CACNG7: variants seen among roughly 807,000 people sequenced by gnomAD.
CACNG7 encodes the protein voltage-dependent calcium channel gamma-7 subunit.
A neutral mutation model predicts 26.3 loss-of-function variants in CACNG7; 9 were observed. The ratio of observed to expected loss-of-function variants is 0.34; its 90% CI spans 0.21 to 0.60. CACNG7 has a LOEUF of 0.60. CACNG7 is among the 20% of genes least tolerant of loss of function. The pLI, the probability that CACNG7 is intolerant of heterozygous loss-of-function variation, is 0.81. For missense variants in CACNG7, 297 were observed against 380.4 expected (o/e 0.78, Z 1.82); for synonymous variants, 170 against 157.0 (o/e 1.08, Z -0.62).
At chr19:53,920,991 G>GCCCCAGGCTGGTCATTGGTGGAGTCGT (rs2068943368) in intron 4 of CACNG7, among the ~76,000 whole-genome samples, 1 of 79,962 alleles carries the variant, frequency 1.3e-5, no homozygotes, top group Non-Finnish European at 2.3e-5. Flanking sequence ...TGGTGGAGTT[G>GCCCCAGGCTGGTCATTGGTGGAGTCGT]CCCCAGGCTG....
At chr19:53,910,162 C>T (rs2068853533) in intron 1 of CACNG7, among the ~76,000 whole-genome samples, 1 of 151,862 alleles carries the variant, frequency 6.6e-6, no homozygotes, top group Admixed American at 6.6e-5. Flanking sequence ...GTCAGAGGGG[C>T]GAAAGGGGGA....
At position 53,909,774 on chromosome 19, in the gene CACNG7, G is replaced by T. The variant is rs1437846600; in HGVS notation, c.-30+257G>T. The stretch of plus-strand genomic sequence containing the variant: ...TCGCAGCGAGCGTGGGCTGGGGAGG[G>T]CAGAGGCCGGGTCCCTGAGGAAGGC... On this transcript the variant is annotated intron_variant, in intron 1 of 5. Transcript: ENST00000391767. The surrounding 1 kb of genome is among the most constrained non-coding windows in gnomAD (Gnocchi z 5.1). Among the ~76,000 whole-genome samples the T allele has an allele frequency of 6.6e-6, 1 of 152,148 alleles. No individual in the cohort carries two copies. The highest frequency in any genetic ancestry group is 1.5e-5 in the Non-Finnish European group (1 of 68,020).
chr19:53,932,636 C>T (rs114088643), intron 4 of CACNG7, among the ~76,000 whole-genome samples: 2,027 of 152,226 alleles, frequency 0.013, 51 homozygotes, highest in African/African-American at 0.046. Context: ...GATCCAAGTT[C>T]CACATGTACA....
In CACNG7 at chr19:53,941,520, G is replaced by C. The variant is rs1449024424; in HGVS notation, c.475G>C (p.Glu159Gln). 2 of 1,598,418 alleles carry C rather than the reference G, an allele frequency of 1.3e-6. No individual in the cohort carries two copies. The highest frequency in any genetic ancestry group is 1.7e-6 in the Non-Finnish European group (2 of 1,174,490). The change falls in exon 5 of 6, where the codon GAG (glutamate) becomes CAG (glutamine). Residue 159 changes from glutamate (E) to glutamine (Q), a missense_variant. By Grantham distance (29) the Glu-to-Gln change is conservative. Coordinates refer to ENST00000391767, the MANE Select transcript of CACNG7 (RefSeq NM_031896.5). ...TCTTTACATCTCCAGCATCAACGAC[G>C]AGGTCATGAACAGGCCCAGCAGCTC... ...LVLYISSIND[E>Q]VMNRPSSSEQ...
At chr19:53,919,908 G>C (rs2068927391) in intron 4 of CACNG7, among the ~76,000 whole-genome samples, 1 of 133,774 alleles carries the variant, frequency 7.5e-6, no homozygotes, top group South Asian at 2.5e-4. Flanking sequence ...CCCCAGGCTG[G>C]TCATTGGTGG....
At chr19:53,934,201 C>T (rs2069091183) in intron 4 of CACNG7, among the ~76,000 whole-genome samples, 1 of 152,190 alleles carries the variant, frequency 6.6e-6, no homozygotes. Context: ...CCAGCTGCAT[C>T]TTGAATTTAT....
At chr19:53,919,956 G>C in intron 4 of CACNG7, among the ~76,000 whole-genome samples, 1 of 126,848 alleles carries the variant, frequency 7.9e-6, no homozygotes, top group South Asian at 2.7e-4. Flanking sequence ...AGTTGCCCCA[G>C]GTCTGGTCAT....
In CACNG7 at chr19:53,919,370, T is replaced by TC. The variant is rs766964410; in HGVS notation, c.424+3868dup. 2.2e-4 allele frequency among the ~76,000 whole-genome samples: 31 copies of TC among 143,980 alleles called. 2 individuals carry two copies. In the East Asian group the frequency reaches 2.7e-3, roughly 13 times the overall value. 94.5% of individuals were successfully genotyped at this position (143,980 alleles called of 152,430 possible). The stretch of plus-strand genomic sequence containing the variant: ...CCAGGTCTGGTCATTGGTGGAGTTG[T>TC]CCCAGGTCTGGTCATTGGTGGAGTT... On this transcript the variant is annotated intron_variant, in intron 4 of 5. Transcript: ENST00000391767.
intron 4 of CACNG7, among the ~76,000 whole-genome samples, chr19:53,923,692 TGGTCATTGGTGGAGTTGTCC>T (rs2068989434): frequency 2.1e-5 from 3 of 140,968 alleles, no homozygotes; most frequent in Admixed American, 6.9e-5. Flanking sequence ...GTCCCAGGCC[TGGTCATTGGTGGAGTTGTCC>T]CAGGTCTGGT....
Position 53,939,126 on chromosome 19 carries a change from G to T in CACNG7, c.425-2344G>T, listed in dbSNP as rs886298536. Among the ~76,000 whole-genome samples the T allele has an allele frequency of 6.6e-6, 1 of 151,914 alleles. No individual in the cohort carries two copies. The highest frequency in any genetic ancestry group is 6.6e-5 in the Admixed American group (1 of 15,224). On this transcript the variant is annotated intron_variant, in intron 4 of 5. Transcript: ENST00000391767. This position sits in a 1 kb window ranked among gnomAD's most constrained non-coding sequence, Gnocchi z 4.2. ...ACAAAAATTAGCCAGGCATGGTGGC[G>T]GGTGCCTGTTAATTCCAGCTACGCA...
chr19:53,931,293 T>C (rs1372892613), intron 4 of CACNG7, among the ~76,000 whole-genome samples: 2 of 152,236 alleles, frequency 1.3e-5, no homozygotes, highest in Non-Finnish European at 2.9e-5. Flanking sequence ...TACAATTTAA[T>C]ACATTTTTAA....
At position 53,913,088 on chromosome 19, in the gene CACNG7, T is replaced by C. The variant is rs569022701; in HGVS notation, c.196+61T>C. 1.4e-4 allele frequency: 208 copies of C among 1,455,912 alleles called. 1 individual carries two copies. Among genetic ancestry groups the C allele is most frequent in the Middle Eastern group, 6.9e-4 (3 of 4,362 alleles). 90.2% of individuals were successfully genotyped at this position (1,455,912 alleles called of 1,614,324 possible). ...TGCCTTGCCTGGGGTCTGAGAGTCT[T>C]AGCCATAGTCCCATCCCTTGAGTTC... On this transcript the variant is annotated intron_variant, in intron 2 of 5. Transcript: ENST00000391767.
intron 4 of CACNG7, among the ~76,000 whole-genome samples, chr19:53,924,531 A>T (rs2069005318): frequency 1.5e-5 from 2 of 136,016 alleles, no homozygotes; most frequent in African/African-American, 5.7e-5. Context: ...GAGTTGCCCC[A>T]GGTCTGGTAT....
intron 4 of CACNG7, among the ~76,000 whole-genome samples, chr19:53,936,758 A>G (rs1000874020): frequency 1.2e-4 from 19 of 152,102 alleles, no homozygotes; most frequent in African/African-American, 2.9e-4. Context: ...ACAGGCACCC[A>G]CCACCATGCC....
chr19:53,914,491 T>TC lies in CACNG7; in HGVS notation c.197-3dup, dbSNP rs747312506. Reference sequence around the variant, plus strand: ...CTCATCCAGCCCTGTCTGTTTCTCTTCCCCCCAGGTCGGGAGAAAGGTCGC... The same window carrying TC: ...CTCATCCAGCCCTGTCTGTTTCTCTTCCCCCCCAGGTCGGGAGAAAGGTCGC... On this transcript the variant is annotated splice_polypyrimidine_tract_variant and intron_variant, in intron 2 of 5. Transcript: ENST00000391767. 15 of 1,612,978 alleles carry TC rather than the reference T, an allele frequency of 9.3e-6. No homozygotes were observed. Among genetic ancestry groups the TC allele is most frequent in the East Asian group, 2.2e-5 (1 of 44,848 alleles).
rs575500137 is a variant in CACNG7 at position 53,910,364 on chromosome 19, G to T, written c.-30+847G>T. Among the ~76,000 whole-genome samples the T allele has an allele frequency of 6.6e-5, 10 of 152,058 alleles. No homozygotes were observed. The East Asian group carries it at 7.8e-4, about 12-fold the overall frequency. On this transcript the variant is annotated intron_variant, in intron 1 of 5. Coordinates refer to ENST00000391767, the MANE Select transcript of CACNG7 (RefSeq NM_031896.5). Reference sequence around the variant, plus strand: ...GATCTCGGAGGCCTCCAAGAGGTTGGGGGGGAAGGAGGGGGGATCTGGAGG... The same window carrying T: ...GATCTCGGAGGCCTCCAAGAGGTTGTGGGGGAAGGAGGGGGGATCTGGAGG...
chr19:53,922,286 C>T lies in CACNG7; in HGVS notation c.424+6781C>T, dbSNP rs1368158879. On this transcript the variant is annotated intron_variant, in intron 4 of 5. Transcript: ENST00000391767. The stretch of plus-strand genomic sequence containing the variant: ...GGTCTGGTCATTGGTGCAGTTGCCC[C>T]AGGTCTGGTATTGGTGGAGTTGTCC... Among the ~76,000 whole-genome samples the T allele has an allele frequency of 5.8e-5, 6 of 103,336 alleles. 1 individual carries two copies. The highest frequency in any genetic ancestry group is 1.2e-4 in the Non-Finnish European group (6 of 51,030). The allele number at this position is 103,336 out of a possible 152,430, so 67.8% of individuals were successfully genotyped here. A position where few individuals can be genotyped will look rare whatever the true frequency, so the allele number is the denominator to read the frequency against.
Position 53,922,994 on chromosome 19 carries a change from G to T in CACNG7, c.424+7489G>T, listed in dbSNP as rs1473011164. 1.2e-4 allele frequency among the ~76,000 whole-genome samples: 13 copies of T among 104,682 alleles called. 1 individual carries two copies. Among genetic ancestry groups the T allele is most frequent in the Admixed American group, 4.1e-4 (5 of 12,198 alleles). The allele number at this position is 104,682 out of a possible 152,430, so 68.7% of individuals were successfully genotyped here. The stretch of plus-strand genomic sequence containing the variant: ...TCATTGGTGGAGTTGTCCCAGGACT[G>T]GTCATTGGTGCAGTTGCCCCAGGCC... On this transcript the variant is annotated intron_variant, in intron 4 of 5. Transcript: ENST00000391767.
chr19:53,924,125 GT>G (rs2068997798), intron 4 of CACNG7, among the ~76,000 whole-genome samples: 1 of 145,104 alleles, frequency 6.9e-6, no homozygotes, highest in Non-Finnish European at 1.5e-5. Flanking sequence ...CTTGCCCCAG[GT>G]CTGGTTATTG....
Sources: allele counts gnomAD v4.1 joint callset (sites outside exome capture counted in the v4.1 genomes callset), GRCh38; gene constraint gnomAD v4.1.1; non-coding constraint Gnocchi (gnomAD v3.1); transcripts MANE v1.5; gene names NCBI Gene and HGNC (gene_info 2026-07-23, HGNC 2026-07-21).